SH3GL3: variants seen among roughly 807,000 people sequenced by gnomAD.
SH3GL3 encodes endophilin-A3.
SH3GL3 carries 33 observed loss-of-function variants against 47.7 expected under a neutral mutation model. The ratio of observed to expected loss-of-function variants is 0.69; its 90% confidence interval spans 0.52 to 0.92. The LOEUF is 0.92. Ranked by LOEUF, SH3GL3 falls within the 40% of genes least tolerant of loss-of-function variation. The pLI, the probability that SH3GL3 is intolerant of heterozygous loss-of-function variation, is 0.00. For synonymous variants in SH3GL3, 155 were observed against 148.8 expected, an observed-to-expected ratio of 1.04 and a Z score of -0.30; for missense variants, 363 against 417.8, an observed-to-expected ratio of 0.87 and a Z score of 1.14.
the SH3GL3 span, among the ~76,000 whole-genome samples, chr15:83,633,417 T>C: frequency 2.0e-5 from 3 of 152,198 alleles, no homozygotes; most frequent in Non-Finnish European, 4.4e-5. Flanking sequence ...CCTTCCCTTC[T>C]TCAAACACTC....
the SH3GL3 span, among the ~76,000 whole-genome samples, chr15:83,625,834 T>C: frequency 7.2e-5 from 11 of 151,890 alleles, no homozygotes; most frequent in African/African-American, 2.7e-4. Flanking sequence ...TTGTTGTTGT[T>C]TGTTTGTTTG....
chr15:83,612,942 C>T (rs2060710086), intron 8 of SH3GL3, among the ~76,000 whole-genome samples: 1 of 152,234 alleles, frequency 6.6e-6, no homozygotes, highest in Non-Finnish European at 1.5e-5. Context: ...TGTTTCACAA[C>T]TGAAATGGTA....
intron 1 of SH3GL3, among the ~76,000 whole-genome samples, chr15:83,472,530 A>G (rs2040879271): frequency 6.6e-6 from 1 of 151,658 alleles, no homozygotes; most frequent in Non-Finnish European, 1.5e-5. Context: ...AATTTCAGTT[A>G]TTTTATTTTT....
At chr15:83,482,282 T>G (rs575789072) in intron 1 of SH3GL3, among the ~76,000 whole-genome samples, 1 of 152,238 alleles carries the variant, frequency 6.6e-6, no homozygotes. Context: ...CCTTTGTGGT[T>G]GTTGCAAGCT....
At chr15:83,500,152 C>A (rs2042237357) in intron 1 of SH3GL3, among the ~76,000 whole-genome samples, 1 of 152,134 alleles carries the variant, frequency 6.6e-6, no homozygotes, top group Non-Finnish European at 1.5e-5. Context: ...CAGTCAGTAA[C>A]ATGGAGCTTG....
chr15:83,470,125 A>G (rs7183426), intron 1 of SH3GL3, among the ~76,000 whole-genome samples: 2,796 of 152,156 alleles, frequency 0.018, 80 homozygotes, highest in African/African-American at 0.063. Flanking sequence ...AGCCAGTCCT[A>G]CTTTCTTTTT....
At chr15:83,522,860 CACTT>C (rs1457435502) in intron 1 of SH3GL3, among the ~76,000 whole-genome samples, 6 of 152,114 alleles carry the variant, frequency 3.9e-5, no homozygotes, top group Non-Finnish European at 8.8e-5. Flanking sequence ...TTTTTAAAAA[CACTT>C]AAATAATTAC....
At chr15:83,577,551 ACCAAAC>A (rs1166096808) in intron 6 of SH3GL3, among the ~76,000 whole-genome samples, 1 of 151,992 alleles carries the variant, frequency 6.6e-6, no homozygotes, top group African/African-American at 2.4e-5. Flanking sequence ...CAGGCATGCC[ACCAAAC>A]CCTGATAATT....
In SH3GL3 at chr15:83,586,326, AT is replaced by A. The variant is rs1387467022; in HGVS notation, c.625-655del. ...TATGAGACACAGCTCTAAAAAATTCATTGTAAGTTAGTCATTAATTTCATGA... is the reference window on the plus strand; with the variant it reads ...TATGAGACACAGCTCTAAAAAATTCATGTAAGTTAGTCATTAATTTCATGA... On this transcript the variant is annotated intron_variant, in intron 6 of 8. Transcript: ENST00000427482. 5.9e-5 allele frequency among the ~76,000 whole-genome samples: 9 copies of A among 152,296 alleles called. No individual in the cohort carries two copies. The East Asian group carries it at 1.7e-3, about 29-fold the overall frequency.
intron 5 of SH3GL3, among the ~76,000 whole-genome samples, chr15:83,574,133 G>T (rs957842647): frequency 6.6e-6 from 1 of 152,170 alleles, no homozygotes; most frequent in African/African-American, 2.4e-5. Flanking sequence ...CCAGGGGATA[G>T]GGTGTGTAGG....
the SH3GL3 span, among the ~76,000 whole-genome samples, chr15:83,632,101 T>A: frequency 6.6e-6 from 1 of 152,208 alleles, no homozygotes; most frequent in African/African-American, 2.4e-5. Context: ...ATAGCAAGAA[T>A]CACCTTTATT....
intron 8 of SH3GL3, among the ~76,000 whole-genome samples, chr15:83,600,455 C>A (rs1174994504): frequency 6.6e-6 from 1 of 152,152 alleles, no homozygotes. Context: ...GTGTCCTTTC[C>A]CCACTTTATG....
At chr15:83,574,537 C>A (rs2059624071) in intron 5 of SH3GL3, among the ~76,000 whole-genome samples, 1 of 152,164 alleles carries the variant, frequency 6.6e-6, no homozygotes, top group Admixed American at 6.5e-5. Context: ...ACACACAGCA[C>A]AGCTGCCCTT....
downstream of SH3GL3, among the ~76,000 whole-genome samples, chr15:83,622,953 G>C (rs1056339040): frequency 6.6e-6 from 1 of 152,244 alleles, no homozygotes; most frequent in Non-Finnish European, 1.5e-5. Flanking sequence ...CCATCAAAGC[G>C]ACACCATATT....
At chr15:83,627,371 T>C in the SH3GL3 span, among the ~76,000 whole-genome samples, 1 of 134,486 alleles carries the variant, frequency 7.4e-6, no homozygotes, top group Non-Finnish European at 1.5e-5. Flanking sequence ...CACTCCAGAC[T>C]GGGCAACAGA....
At chr15:83,565,391 A>G (rs1234879262) in intron 3 of SH3GL3, 185 bp downstream of exon 3, 1 of 559,114 alleles carries the variant, frequency 1.8e-6, no homozygotes, top group East Asian at 3.2e-5. Flanking sequence ...TGAGAAAGAG[A>G]ACAGCTATTT....
intron 1 of SH3GL3, among the ~76,000 whole-genome samples, chr15:83,542,111 T>A (rs1341759256): frequency 6.6e-6 from 1 of 152,196 alleles, no homozygotes; most frequent in African/African-American, 2.4e-5. Context: ...GGTCTTAGAT[T>A]TAAGCCTTTA....
At chr15:83,499,272 A>G (rs989394404) in intron 1 of SH3GL3, among the ~76,000 whole-genome samples, 2 of 152,042 alleles carry the variant, frequency 1.3e-5, no homozygotes, top group Non-Finnish European at 2.9e-5. Flanking sequence ...AAAGTCATAA[A>G]TGTAAAACTG....
At chr15:83,551,210 CAAG>C (rs2044652257) in intron 1 of SH3GL3, among the ~76,000 whole-genome samples, 1 of 152,088 alleles carries the variant, frequency 6.6e-6, no homozygotes, top group African/African-American at 2.4e-5. Flanking sequence ...TTAAAGCTGC[CAAG>C]AAGTAGATGG....
Sources: allele counts gnomAD v4.1 joint callset (sites outside exome capture counted in the v4.1 genomes callset), GRCh38; gene constraint gnomAD v4.1.1; transcripts MANE v1.5; gene names NCBI Gene and HGNC (gene_info 2026-07-23, HGNC 2026-07-21).